GPC6: variants seen among roughly 807,000 people sequenced by gnomAD.
The protein encoded by GPC6 is glypican 6.
In GPC6, 14 loss-of-function variants were observed where a neutral mutation model predicts 55.2. That is an observed-to-expected ratio of 0.25 (90% confidence interval 0.17 to 0.40). The LOEUF (loss-of-function observed/expected upper bound fraction) is 0.40, where lower values mean the gene tolerates loss of function less well. Among genes scored for constraint, GPC6 ranks in the 10% least tolerant of loss-of-function variants. GPC6 has a pLI of 1.00. For missense variants in GPC6, 641 were observed against 708.5 expected (o/e 0.90, Z 1.08); for synonymous variants, 278 against 259.6 (o/e 1.07, Z -0.68).
intron 3 of GPC6, among the ~76,000 whole-genome samples, chr13:93,946,962 A>G (rs1045432698): frequency 9.2e-5 from 14 of 152,172 alleles, no homozygotes; most frequent in Admixed American, 6.5e-4. Flanking sequence ...AGCACTCTCT[A>G]GAAATTTCTG....
chr13:94,059,389 T>C (rs17195938), intron 4 of GPC6, among the ~76,000 whole-genome samples: 26,302 of 151,862 alleles, frequency 0.17, 2,494 homozygotes, highest in South Asian at 0.3. Flanking sequence ...TTCCTCAGCG[T>C]TTACCCTCCT....
chr13:94,384,676 T>C (rs1334987612), intron 7 of GPC6, among the ~76,000 whole-genome samples: 2 of 152,206 alleles, frequency 1.3e-5, no homozygotes, highest in Admixed American at 6.5e-5. Context: ...AAGTTCCTCA[T>C]TGTGCAGATT....
At chr13:93,256,916 A>G (rs371284059) in intron 1 of GPC6, among the ~76,000 whole-genome samples, 22 of 152,280 alleles carry the variant, frequency 1.4e-4, no homozygotes, top group African/African-American at 5.1e-4. Context: ...TTATACTGAG[A>G]GCAGGTACAG....
At chr13:93,389,481 G>T (rs1875532692) in intron 1 of GPC6, among the ~76,000 whole-genome samples, 4 of 146,188 alleles carry the variant, frequency 2.7e-5, no homozygotes, top group Admixed American at 1.4e-4. Flanking sequence ...TCCAGCTTGG[G>T]CAACAGAGCA....
chr13:93,326,789 A>T (rs1327016583), intron 1 of GPC6, among the ~76,000 whole-genome samples: 2 of 152,206 alleles, frequency 1.3e-5, no homozygotes, highest in Non-Finnish European at 1.5e-5. Flanking sequence ...AAAAGTGGTA[A>T]AAAAGAGAAA....
intron 4 of GPC6, among the ~76,000 whole-genome samples, chr13:94,082,198 A>G (rs1428370968): frequency 6.6e-6 from 1 of 152,058 alleles, no homozygotes; most frequent in Non-Finnish European, 1.5e-5. Flanking sequence ...AGACTTGCAT[A>G]TCCTTACTCT....
At chr13:94,281,945 G>C (rs898088429) in intron 4 of GPC6, among the ~76,000 whole-genome samples, 34 of 152,108 alleles carry the variant, frequency 2.2e-4, no homozygotes, top group African/African-American at 7.5e-4. Flanking sequence ...GTAATCAGAG[G>C]GGACATCATA....
chr13:93,846,056 T>C (rs1888165269), intron 3 of GPC6, among the ~76,000 whole-genome samples: 1 of 152,108 alleles, frequency 6.6e-6, no homozygotes, highest in Admixed American at 6.6e-5. Flanking sequence ...ATTTCTGATG[T>C]TAGGACCAGG....
intron 3 of GPC6, among the ~76,000 whole-genome samples, chr13:93,985,021 C>A (rs1880961408): frequency 6.6e-6 from 1 of 152,168 alleles, no homozygotes; most frequent in Admixed American, 6.6e-5. Context: ...GATGTGGTAG[C>A]TCTGTAATCA....
At chr13:93,332,585 G>A (rs772544247) in intron 1 of GPC6, among the ~76,000 whole-genome samples, 6 of 151,934 alleles carry the variant, frequency 3.9e-5, no homozygotes, top group Non-Finnish European at 8.8e-5. Context: ...TGAGTGGTTT[G>A]GATTCCATAT....
At chr13:93,409,636 C>G (rs1369237388) in intron 1 of GPC6, among the ~76,000 whole-genome samples, 2 of 152,192 alleles carry the variant, frequency 1.3e-5, no homozygotes, top group African/African-American at 2.4e-5. Context: ...GTTCATACTT[C>G]AGCAAATCTC....
At chr13:94,325,964 T>C (rs1877094546) in intron 6 of GPC6, among the ~76,000 whole-genome samples, 1 of 152,186 alleles carries the variant, frequency 6.6e-6, no homozygotes, top group Non-Finnish European at 1.5e-5. Flanking sequence ...GCCAGTAAGA[T>C]AGCATCCAGC....
At chr13:93,937,790 G>C (rs928631981) in intron 3 of GPC6, among the ~76,000 whole-genome samples, 1 of 152,064 alleles carries the variant, frequency 6.6e-6, no homozygotes, top group Non-Finnish European at 1.5e-5. Context: ...TGTTGGCCAG[G>C]CTGGTCTCGA....
chr13:93,550,888 A>G (rs927879395), intron 2 of GPC6, among the ~76,000 whole-genome samples: 1 of 152,142 alleles, frequency 6.6e-6, no homozygotes, highest in East Asian at 1.9e-4. Context: ...AAAAATGACT[A>G]ATAATGACTA....
chr13:93,912,963 CTG>C (rs909354761), intron 3 of GPC6, among the ~76,000 whole-genome samples: 1 of 152,096 alleles, frequency 6.6e-6, no homozygotes, highest in African/African-American at 2.4e-5. Flanking sequence ...CCATGTGTCT[CTG>C]TGTCGATTCT....
At chr13:93,507,061 C>CAAAAAA (rs56368708) in intron 1 of GPC6, among the ~76,000 whole-genome samples, 1 of 52,132 alleles carries the variant, frequency 1.9e-5, no homozygotes, top group East Asian at 8.1e-4. Flanking sequence ...GACTCCGTCT[C>CAAAAAA]AAAAAAAAAA....
intron 1 of GPC6, among the ~76,000 whole-genome samples, chr13:93,516,610 T>C (rs1210790895): frequency 6.6e-6 from 1 of 152,126 alleles, no homozygotes. Flanking sequence ...AAAAAATAAT[T>C]ACTTATAAAA....
At chr13:94,167,347 A>G (rs1014277584) in intron 4 of GPC6, among the ~76,000 whole-genome samples, 12 of 152,338 alleles carry the variant, frequency 7.9e-5, no homozygotes, top group African/African-American at 2.9e-4. Flanking sequence ...GGTCCCTCTG[A>G]ATGAAATTTC....
intron 1 of GPC6, among the ~76,000 whole-genome samples, chr13:93,357,358 T>G (rs1411307876): frequency 6.6e-6 from 1 of 152,230 alleles, no homozygotes; most frequent in Non-Finnish European, 1.5e-5. Flanking sequence ...TTTCATTTAT[T>G]CAGAACTGTA....
Sources: gnomAD v4.1 joint callset for allele counts (sites outside exome capture counted in the v4.1 genomes callset) on GRCh38, gnomAD v4.1.1 for gene constraint, MANE v1.5 for transcripts, NCBI Gene and HGNC (gene_info 2026-07-23, HGNC 2026-07-21) for gene names.